NFIB: variants seen among roughly 807,000 people sequenced by gnomAD.
NFIB encodes nuclear factor I B.
In NFIB, 11 loss-of-function variants were observed where a neutral mutation model predicts 61.5. That is an observed-to-expected ratio of 0.18 (90% CI 0.11 to 0.30). The LOEUF (loss-of-function observed/expected upper bound fraction) is 0.30, where lower values mean the gene tolerates loss of function less well. Ranked by LOEUF, NFIB falls within the 10% of genes least tolerant of loss-of-function variation. The probability of loss-of-function intolerance (pLI) is 1.00; values close to 1 mark genes in which losing one functional copy is unlikely to be tolerated. For synonymous variants in NFIB, 260 were observed against 216.5 expected (o/e 1.20, Z -1.76); for missense variants, 471 against 608.9 (o/e 0.77, Z 2.38).
the NFIB span, among the ~76,000 whole-genome samples, chr9:14,456,734 C>T: frequency 7.9e-5 from 12 of 152,176 alleles, no homozygotes; most frequent in South Asian, 2.1e-4. Flanking sequence ...GAAGCACTTC[C>T]GGTAGGGGTA....
intron 1 of NFIB, among the ~76,000 whole-genome samples, chr9:14,344,140 C>T (rs1379849765): frequency 1.4e-5 from 2 of 147,956 alleles, no homozygotes; most frequent in Non-Finnish European, 3.0e-5. Flanking sequence ...GAGAGAAACA[C>T]TAAGGTGCCT....
chr9:14,126,664 G>A (rs954382530), intron 6 of NFIB, among the ~76,000 whole-genome samples: 1 of 152,202 alleles, frequency 6.6e-6, no homozygotes, highest in African/African-American at 2.4e-5. Flanking sequence ...CCCACAGGAT[G>A]ACGGGTCTCC....
intron 6 of NFIB, among the ~76,000 whole-genome samples, chr9:14,133,622 C>A (rs547219884): frequency 9.2e-5 from 14 of 152,256 alleles, no homozygotes; most frequent in African/African-American, 2.9e-4. Flanking sequence ...TGACTGCCAA[C>A]TGAAAGCTAA....
intron 6 of NFIB, among the ~76,000 whole-genome samples, chr9:14,139,377 A>G (rs1039370551): frequency 1.3e-5 from 2 of 152,206 alleles, no homozygotes; most frequent in African/African-American, 4.8e-5. Context: ...CTACTTCACA[A>G]TAAGCTTAAA....
At chr9:14,213,473 T>G (rs2050528669) in intron 2 of NFIB, among the ~76,000 whole-genome samples, 1 of 152,162 alleles carries the variant, frequency 6.6e-6, no homozygotes, top group African/African-American at 2.4e-5. Context: ...TTCTGGCCCA[T>G]CCTCAGAGAT....
intron 10 of NFIB, among the ~76,000 whole-genome samples, chr9:14,098,651 T>C (rs2035255634): frequency 6.6e-6 from 1 of 152,174 alleles, no homozygotes; most frequent in Non-Finnish European, 1.5e-5. Flanking sequence ...TCATCACCTA[T>C]CATCCTCCTA....
At chr9:14,526,205 G>C in the NFIB span, among the ~76,000 whole-genome samples, 1 of 152,102 alleles carries the variant, frequency 6.6e-6, no homozygotes, top group Middle Eastern at 3.4e-3. Flanking sequence ...GAAAAAAAAA[G>C]CTCTCTGAAT....
chr9:14,524,828 G>A, the NFIB span, among the ~76,000 whole-genome samples: 2 of 152,118 alleles, frequency 1.3e-5, no homozygotes, highest in Non-Finnish European at 1.5e-5. Context: ...ATTCTGGAAA[G>A]CTTTTCTTCA....
chr9:14,527,104 A>T, the NFIB span, among the ~76,000 whole-genome samples: 1 of 152,300 alleles, frequency 6.6e-6, no homozygotes, highest in South Asian at 2.1e-4. Flanking sequence ...ATTTTACCAC[A>T]TCTTCATATA....
intron 3 of NFIB, among the ~76,000 whole-genome samples, chr9:14,175,046 A>C (rs2046008786): frequency 6.6e-6 from 1 of 151,908 alleles, no homozygotes; most frequent in Non-Finnish European, 1.5e-5. Flanking sequence ...TAGTTTTCCT[A>C]ATAATTATTT....
intron 2 of NFIB, among the ~76,000 whole-genome samples, chr9:14,256,647 GCAGT>G: frequency 6.6e-6 from 1 of 152,214 alleles, no homozygotes; most frequent in South Asian, 2.1e-4. Flanking sequence ...AGCTTGTTTG[GCAGT>G]CAGAGTCTCA....
At chr9:14,361,663 A>G (rs927975859) in intron 1 of NFIB, 15 of 152,240 alleles carry the variant, frequency 9.9e-5, no homozygotes, top group African/African-American at 3.1e-4. Flanking sequence ...AACAGTAGCC[A>G]CTAAAATCTT....
rs566214593 is a variant in NFIB at position 14,217,370 on chromosome 9, T to G, written c.563-37590A>C. 1.3e-3 allele frequency among the ~76,000 whole-genome samples: 202 copies of G among 152,284 alleles called. 1 individual carries two copies. The highest frequency in any genetic ancestry group is 4.7e-3 in the African/African-American group (195 of 41,574). ...AATGCTAGGAAATTCTTTTAAAATA[T>G]ACAAACTAGGCTGGGCGCGGTGGCT... On this transcript the variant is annotated intron_variant, in intron 2 of 10. Coordinates refer to ENST00000380953, the MANE Select transcript of NFIB (RefSeq NM_001190737.2).
chr9:14,221,096 C>T (rs1242053974), intron 2 of NFIB, among the ~76,000 whole-genome samples: 3 of 152,120 alleles, frequency 2.0e-5, no homozygotes, highest in African/African-American at 4.8e-5. Flanking sequence ...TCTGCCCCTC[C>T]GACCCCAGCT....
chr9:14,404,941 C>T, the NFIB span, among the ~76,000 whole-genome samples: 1 of 152,162 alleles, frequency 6.6e-6, no homozygotes, highest in Non-Finnish European at 1.5e-5. Flanking sequence ...GCTGAGGTTC[C>T]AGTTTACGGA....
At chr9:14,163,519 T>C (rs2044428101) in intron 3 of NFIB, among the ~76,000 whole-genome samples, 1 of 151,866 alleles carries the variant, frequency 6.6e-6, no homozygotes, top group African/African-American at 2.4e-5. Context: ...AGAGAAAACT[T>C]AAGCTGAATT....
At chr9:14,392,625 C>T (rs28373404) in intron 1 of NFIB, among the ~76,000 whole-genome samples, 3,070 of 151,806 alleles carry the variant, frequency 0.02, 45 homozygotes, top group Non-Finnish European at 0.031. Context: ...CTACTCAGGA[C>T]GCTGAGATCT....
intron 1 of NFIB, among the ~76,000 whole-genome samples, chr9:14,347,048 C>A (rs997270814): frequency 6.6e-6 from 1 of 151,902 alleles, no homozygotes. Flanking sequence ...CCCTGGCCCC[C>A]ACTCGGGAGA....
chr9:14,450,377 T>C, the NFIB span, among the ~76,000 whole-genome samples: 298 of 152,346 alleles, frequency 2.0e-3, 1 homozygote, highest in African/African-American at 6.8e-3. Context: ...CTAACGTTAC[T>C]TTTCCATGAA....
Sources: gnomAD v4.1 joint callset for allele counts (sites outside exome capture counted in the v4.1 genomes callset) on GRCh38, gnomAD v4.1.1 for gene constraint, MANE v1.5 for transcripts, NCBI Gene and HGNC (gene_info 2026-07-23, HGNC 2026-07-21) for gene names.